PANX2: variants seen among roughly 807,000 people sequenced by gnomAD.
PANX2 encodes pannexin-2.
PANX2 carries 30 observed loss-of-function variants against 38.7 expected under a neutral mutation model. The ratio of observed to expected loss-of-function variants is 0.78; its 90% confidence interval spans 0.58 to 1.05. PANX2 has a LOEUF of 1.05. PANX2 is among the 50% of genes least tolerant of loss of function. The pLI is 0.00. For synonymous variants in PANX2, 539 were observed against 472.1 expected, an observed-to-expected ratio of 1.14 and a Z score of -1.84; for missense variants, 880 against 979.3, an observed-to-expected ratio of 0.90 and a Z score of 1.35.
rs371527014 is a variant in PANX2 at position 50,177,525 on chromosome 22, G to C, written c.813G>C (p.Ala271=). The change falls in exon 2 of 3, where the codon GCG becomes GCC. Residue 271 remains alanine, a synonymous_variant. Coordinates refer to ENST00000395842, the MANE Select transcript of PANX2 (RefSeq NM_052839.4). ...LGASPDGAAG[A]GPAVRVSCKL... ...CGTCCCCGGACGGGGCGGCAGGTGCGGGGCCCGCGGTGCGCGTGAGCTGCA... is the reference window on the plus strand; with the variant it reads ...CGTCCCCGGACGGGGCGGCAGGTGCCGGGCCCGCGGTGCGCGTGAGCTGCA... 3.7e-5 allele frequency: 59 copies of C among 1,609,464 alleles called. No homozygotes were observed. Among genetic ancestry groups the C allele is most frequent in the Middle Eastern group, 1.6e-4 (1 of 6,076 alleles).
chr22:50,175,556 C>A, intron 1 of PANX2: 1 of 738,452 alleles, frequency 1.4e-6, no homozygotes, highest in Non-Finnish European at 2.0e-6. Flanking sequence ...CTTCTCTGAG[C>A]CCAGCTCATC....
rs755570173 is a variant in PANX2, at chr22:50,179,285, C to T, written c.*8C>T. On this transcript the variant is annotated 3_prime_UTR_variant, in exon 3 of 3. Coordinates refer to ENST00000395842, the MANE Select transcript of PANX2 (RefSeq NM_052839.4). ...AGTACTGTGGAGTTTTGAGGGATGG[C>T]ACCGTCCAGGCCGCCGAGAGCCCCT... 12 of 1,607,996 alleles carry T rather than the reference C, an allele frequency of 7.5e-6. No individual in the cohort carries two copies. The highest frequency in any genetic ancestry group is 1.0e-5 in the Non-Finnish European group (12 of 1,176,930).
chr22:50,171,135 C>A (rs755883123), intron 1 of PANX2, among the ~76,000 whole-genome samples, 179 bp downstream of exon 1: 4 of 152,230 alleles, frequency 2.6e-5, no homozygotes, highest in South Asian at 2.1e-4. Context: ...TGTCGCTGGT[C>A]GCACAGACCC....
chr22:50,173,731 G>A (rs1235595286), intron 1 of PANX2, among the ~76,000 whole-genome samples: 1 of 152,220 alleles, frequency 6.6e-6, no homozygotes, highest in Admixed American at 6.5e-5. Flanking sequence ...TGGCTCCAAG[G>A]GGGAACCCAC....
intron 1 of PANX2, among the ~76,000 whole-genome samples, chr22:50,171,850 C>G (rs1451008065): frequency 6.8e-6 from 1 of 147,352 alleles, no homozygotes; most frequent in Non-Finnish European, 1.5e-5. Flanking sequence ...GTGTTGGGAC[C>G]CTGGGGCCCT....
chr22:50,178,328 C>T lies in PANX2; in HGVS notation c.1616C>T (p.Ser539Phe). 1 of 1,507,302 alleles carries T rather than the reference C, an allele frequency of 6.6e-7. No individual in the cohort carries two copies. 93.4% of individuals were successfully genotyped at this position (1,507,302 alleles called of 1,614,324 possible). The change falls in exon 2 of 3, where the codon TCC (serine) becomes TTC (phenylalanine). Residue 539 changes from serine (S) to phenylalanine (F), a missense_variant. By Grantham distance (155) the Ser-to-Phe change is radical. Around this residue, in one of 4 missense-constraint regions of PANX2, gnomAD observed 445 missense variants for 404.3 expected, o/e 1.10. Transcript: ENST00000395842. Reference sequence around the variant, plus strand: ...GCGGTGCCCGCCGCCCTGCCCGCCTCCCGGAGCCAGGAGGGGGGCTTCCTG... The same window carrying T: ...GCGGTGCCCGCCGCCCTGCCCGCCTTCCGGAGCCAGGAGGGGGGCTTCCTG... The part of the protein sequence containing the change: ...AEAVPAALPA[S>F]RSQEGGFLSQ...
In PANX2 at chr22:50,179,342, C is replaced by T. The variant is rs768407517; in HGVS notation, c.*65C>T. 3.6e-5 allele frequency: 50 copies of T among 1,406,616 alleles called. No individual in the cohort carries two copies. Among genetic ancestry groups the T allele is most frequent in the Non-Finnish European group, 4.9e-5 (50 of 1,011,900 alleles). The allele number at this position is 1,406,616 out of a possible 1,614,324, so 87.1% of individuals were successfully genotyped here. ...GTGTCGTGTGGCCTGGCCAGCCTCC[C>T]GGTGGACACCAGCCCTGCGTGGACG... On this transcript the variant is annotated 3_prime_UTR_variant, in exon 3 of 3. Transcript: ENST00000395842.
chr22:50,178,995 C>T lies in PANX2; in HGVS notation c.1752C>T (p.Pro584=), dbSNP rs2063681921. 5 of 1,608,892 alleles carry T rather than the reference C, an allele frequency of 3.1e-6. No homozygotes were observed. The highest frequency in any genetic ancestry group is 4.2e-6 in the Non-Finnish European group (5 of 1,177,724). The part of the protein sequence containing the change: ...YPTEPARAGL[P]SGGPFHVRSP... ...CAGAGCCAGCCCGGGCAGGGCTTCC[C>T]TCGGGGGGCCCGTTCCACGTCCGCT... Residue 584 remains proline, a synonymous_variant, in exon 3 of 3, where the codon CCC becomes CCT. Transcript: ENST00000395842.
At position 50,177,288 on chromosome 22, in the gene PANX2, G is replaced by A; in HGVS notation, c.576G>A (p.Lys192=). 1.9e-6 allele frequency: 3 copies of A among 1,612,350 alleles called. No homozygotes were observed. Among genetic ancestry groups the A allele is most frequent in the Non-Finnish European group, 2.5e-6 (3 of 1,179,744 alleles). The change falls in exon 2 of 3, where the codon AAG becomes AAA. Residue 192 remains lysine (K), a synonymous_variant. Transcript: ENST00000395842. ...GCCCGGGCATCACGGAGCGCGAGAA[G>A]CGCGAGATCATCGAGAACGCGGAGA... The part of the protein sequence containing the change: ...SKGPGITERE[K]REIIENAEKE...
intron 1 of PANX2, among the ~76,000 whole-genome samples, chr22:50,173,245 C>G (rs576885911): frequency 6.0e-5 from 9 of 149,096 alleles, no homozygotes; most frequent in African/African-American, 2.3e-4. Context: ...GTTGGCCAGG[C>G]TGGTCTCGAT....
chr22:50,178,884 C>T (rs2063680999), intron 2 of PANX2, 50 bp from the exon 3 acceptor site: 5 of 1,452,496 alleles, frequency 3.4e-6, no homozygotes, highest in African/African-American at 1.4e-5. Flanking sequence ...GCGCTGGGGG[C>T]GGCGCAGCGG....
chr22:50,173,481 G>A (rs2063645682), intron 1 of PANX2, among the ~76,000 whole-genome samples: 1 of 152,290 alleles, frequency 6.6e-6, no homozygotes, highest in Admixed American at 6.5e-5. Context: ...TTGGGCCTGA[G>A]GGCCCGTGTG....
chr22:50,176,527 G>C (rs551240951), intron 1 of PANX2, among the ~76,000 whole-genome samples: 1 of 152,228 alleles, frequency 6.6e-6, no homozygotes, highest in African/African-American at 2.4e-5. Flanking sequence ...GGCTGTACAC[G>C]GCCTGTGGCT....
intron 1 of PANX2, chr22:50,175,432 G>A: frequency 1.5e-6 from 2 of 1,298,864 alleles, no homozygotes; most frequent in Non-Finnish European, 2.0e-6. Context: ...TCTTCCCCAG[G>A]GTGGACGCTC....
intron 1 of PANX2, 130 bp downstream of exon 1, chr22:50,171,086 G>A (rs2063627264): frequency 2.5e-6 from 1 of 394,898 alleles, no homozygotes. Context: ...CGTCCGCGGC[G>A]TCCCAGGCAC....
chr22:50,173,132 G>A (rs537653506), intron 1 of PANX2, among the ~76,000 whole-genome samples: 7 of 150,900 alleles, frequency 4.6e-5, no homozygotes, highest in African/African-American at 7.3e-5. Flanking sequence ...TCCTGACCTC[G>A]TGATCCGCCC....
intron 1 of PANX2, among the ~76,000 whole-genome samples, chr22:50,173,052 A>G (rs1049457214): frequency 6.6e-6 from 1 of 152,102 alleles, no homozygotes; most frequent in African/African-American, 2.4e-5. Context: ...GCCCGCCACC[A>G]TGCCCGGCTA....
Position 50,178,193 on chromosome 22 carries a change from G to GGCCCCCC in PANX2, c.1481_1482insGCCCCCC (p.Ala496ProfsTer13). ...GGCGGAGGGGGCGACCCGGGCCCCGGCCCCGCCCCTGCCCCCGCCCCGCCG... is the reference window on the plus strand; with the variant it reads ...GGCGGAGGGGGCGACCCGGGCCCCGGGCCCCCCCCCCGCCCCTGCCCCCGCCCCGCCG... On this transcript the variant is annotated frameshift_variant, in exon 2 of 3. Transcript: ENST00000395842. LOFTEE classifies it high-confidence loss of function. 9.6e-6 allele frequency: 14 copies of GGCCCCCC among 1,465,138 alleles called. No homozygotes were observed. Among genetic ancestry groups the GGCCCCCC allele is most frequent in the Non-Finnish European group, 1.3e-5 (14 of 1,118,912 alleles). The allele number at this position is 1,465,138 out of a possible 1,614,324, so 90.8% of individuals were successfully genotyped here.
Position 50,178,209 on chromosome 22 carries a change from C to A in PANX2, c.1497C>A (p.Pro499=), listed in dbSNP as rs1187613592. The change falls in exon 2 of 3, where the codon CCC becomes CCA. Residue 499 remains proline, a synonymous_variant. Coordinates refer to ENST00000395842, the MANE Select transcript of PANX2 (RefSeq NM_052839.4). ...CGGGCCCCGGCCCCGCCCCTGCCCC[C>A]GCCCCGCCGCCCGCCCCTGACAAGA... The part of the protein sequence containing the change: ...GDPGPGPAPA[P]APPPAPDKKH... 1 of 1,462,852 alleles carries A rather than the reference C, an allele frequency of 6.8e-7. No homozygotes were observed. Among genetic ancestry groups the A allele is most frequent in the Non-Finnish European group, 9.0e-7 (1 of 1,116,186 alleles). The allele number at this position is 1,462,852 out of a possible 1,614,324, so 90.6% of individuals were successfully genotyped here. A position where few individuals can be genotyped will look rare whatever the true frequency, so the allele number is the denominator to read the frequency against.
Sources: allele counts gnomAD v4.1 joint callset (sites outside exome capture counted in the v4.1 genomes callset), GRCh38; gene constraint gnomAD v4.1.1; regional missense constraint gnomAD v4.1.1; transcripts MANE v1.5; gene names NCBI Gene and HGNC (gene_info 2026-07-23, HGNC 2026-07-21).